The following PARVA variants were observed in gnomAD, a reference collection of about 807,000 sequenced individuals.
PARVA encodes parvin alpha.
In PARVA, 25 loss-of-function variants were observed where a neutral mutation model predicts 52.6. That is an observed-to-expected ratio of 0.48 (90% CI 0.35 to 0.66). The LOEUF is 0.66. PARVA is among the 30% of genes least tolerant of loss of function. PARVA has a pLI of 0.01. For synonymous variants in PARVA, 185 were observed against 179.1 expected, an observed-to-expected ratio of 1.03 and a Z score of -0.26; for missense variants, 373 against 450.9, an observed-to-expected ratio of 0.83 and a Z score of 1.56.
chr11:12,422,750 C>T (rs1244294656), intron 1 of PARVA, among the ~76,000 whole-genome samples: 6 of 152,148 alleles, frequency 3.9e-5, no homozygotes, highest in African/African-American at 1.4e-4. Flanking sequence ...ATATGTTTAT[C>T]TCACACTATA....
intron 5 of PARVA, among the ~76,000 whole-genome samples, chr11:12,497,283 C>A (rs1454876814): frequency 6.6e-6 from 1 of 152,076 alleles, no homozygotes; most frequent in Non-Finnish European, 1.5e-5. Flanking sequence ...GCAGTAGCAA[C>A]TGGATTCCAA....
chr11:12,378,810 A>G (rs1939444209), intron 1 of PARVA, among the ~76,000 whole-genome samples: 1 of 152,198 alleles, frequency 6.6e-6, no homozygotes, highest in African/African-American at 2.4e-5. Flanking sequence ...ATACATTCAT[A>G]TAATTTGTAA....
rs573879791 is a variant in PARVA, at chr11:12,487,639, T to A, written c.401-8819T>A. Among the ~76,000 whole-genome samples, 7 of 152,276 alleles carry A rather than the reference T, an allele frequency of 4.6e-5. No individual in the cohort carries two copies. The East Asian group carries it at 1.4e-3, about 29-fold the overall frequency. On this transcript the variant is annotated intron_variant, in intron 4 of 12. Coordinates refer to ENST00000334956, the MANE Select transcript of PARVA (RefSeq NM_018222.5). ...CTGCTTGAAGATCCTCCTCCTATAA[T>A]CTGATTTTAGGATTGTTGATATATG...
At chr11:12,409,102 T>C (rs79112694) in intron 1 of PARVA, among the ~76,000 whole-genome samples, 2,787 of 152,328 alleles carry the variant, frequency 0.018, 86 homozygotes, top group African/African-American at 0.063. Context: ...TGAATTTTCC[T>C]AAGGACATAT....
intron 1 of PARVA, among the ~76,000 whole-genome samples, chr11:12,382,252 G>C (rs1939501095): frequency 6.6e-6 from 1 of 152,158 alleles, no homozygotes; most frequent in African/African-American, 2.4e-5. Context: ...TTGTGTGTAT[G>C]TGTACATTTT....
chr11:12,481,750 G>C lies in PARVA; in HGVS notation c.400+3801G>C, dbSNP rs1308438649. Among the ~76,000 whole-genome samples, 5 of 152,112 alleles carry C rather than the reference G, an allele frequency of 3.3e-5. No homozygotes were observed. The East Asian group carries it at 9.6e-4, about 29-fold the overall frequency. ...AGCTTCCTTAATACTGAGTTGTTTG[G>C]GCAGCGAGCTGGAGGGGTCTGAGTT... On this transcript the variant is annotated intron_variant, in intron 4 of 12. Transcript: ENST00000334956.
intron 1 of PARVA, among the ~76,000 whole-genome samples, chr11:12,385,744 C>G (rs1390888239): frequency 1.3e-5 from 2 of 152,068 alleles, no homozygotes; most frequent in African/African-American, 4.8e-5. Context: ...TTTGAATTTC[C>G]CATTATTTTC....
At chr11:12,385,831 A>G (rs1347970668) in intron 1 of PARVA, among the ~76,000 whole-genome samples, 2 of 152,172 alleles carry the variant, frequency 1.3e-5, no homozygotes, top group Non-Finnish European at 2.9e-5. Flanking sequence ...AGAATGTAAA[A>G]ACCATTCTTA....
At position 12,534,563 on chromosome 11, in the gene PARVA, A is replaced by G. The variant is rs1941813166; in HGVS notation, c.*6638A>G. Among the ~76,000 whole-genome samples the G allele has an allele frequency of 6.6e-6, 1 of 152,204 alleles. No individual in the cohort carries two copies. Among genetic ancestry groups the G allele is most frequent in the South Asian group, 2.1e-4 (1 of 4,830 alleles). On this transcript the variant is annotated 3_prime_UTR_variant, in exon 13 of 13. Transcript: ENST00000334956. The stretch of plus-strand genomic sequence containing the variant: ...GCAGACTTTTCATTTCTTTTTATTG[A>G]TCTTCATGTTTTCACATCTTGAGAT...
intron 4 of PARVA, 97 bp downstream of exon 4, chr11:12,478,046 C>A (rs1421994321): frequency 1.3e-6 from 1 of 788,278 alleles, no homozygotes; most frequent in South Asian, 1.4e-5. Context: ...TTTACAGTGG[C>A]TTACCTGGAA....
intron 1 of PARVA, among the ~76,000 whole-genome samples, chr11:12,395,770 G>A (rs915430507): frequency 6.6e-6 from 1 of 152,196 alleles, no homozygotes; most frequent in African/African-American, 2.4e-5. Context: ...CCAACACTTG[G>A]CAGCCCAGCT....
At position 12,463,133 on chromosome 11, in the gene PARVA, A is replaced by G. The variant is rs144005205; in HGVS notation, c.137-10612A>G. Among the ~76,000 whole-genome samples the G allele has an allele frequency of 6.5e-4, 99 of 151,864 alleles. 1 individual carries two copies. The East Asian group carries it at 0.018, about 28-fold the overall frequency. ...CCCACGCCCACTTTTTTTTCTTATT[A>G]ACATCTTAAATTAGTATGGTACAAT... On this transcript the variant is annotated intron_variant, in intron 1 of 12. Coordinates refer to ENST00000334956, the MANE Select transcript of PARVA (RefSeq NM_018222.5).
At chr11:12,428,793 C>A (rs1316843160) in intron 1 of PARVA, among the ~76,000 whole-genome samples, 1 of 152,116 alleles carries the variant, frequency 6.6e-6, no homozygotes, top group African/African-American at 2.4e-5. Flanking sequence ...CTGAGACTGA[C>A]CTTTGTCTAA....
chr11:12,511,681 G>A, intron 8 of PARVA, 148 bp downstream of exon 8: 1 of 805,506 alleles, frequency 1.2e-6, no homozygotes, highest in South Asian at 1.5e-5. Flanking sequence ...GGGTTGGGAG[G>A]GACAGCTTAC....
intron 1 of PARVA, among the ~76,000 whole-genome samples, chr11:12,417,423 G>C (rs891420529): frequency 6.6e-6 from 1 of 152,110 alleles, no homozygotes; most frequent in Non-Finnish European, 1.5e-5. Flanking sequence ...TTATATATTT[G>C]TAAGGGTATA....
intron 4 of PARVA, among the ~76,000 whole-genome samples, chr11:12,483,824 C>T (rs1426591306): frequency 3.3e-5 from 5 of 152,216 alleles, no homozygotes; most frequent in Non-Finnish European, 7.3e-5. Flanking sequence ...TGGCCTGCCT[C>T]TTCATGACAT....
intron 1 of PARVA, among the ~76,000 whole-genome samples, chr11:12,447,854 C>A (rs983429588): frequency 1.3e-5 from 2 of 152,218 alleles, no homozygotes; most frequent in African/African-American, 4.8e-5. Context: ...GTCAGTAGGA[C>A]CCCTGTTGAG....
chr11:12,481,586 A>G (rs1941087585), intron 4 of PARVA, among the ~76,000 whole-genome samples: 1 of 152,164 alleles, frequency 6.6e-6, no homozygotes, highest in Non-Finnish European at 1.5e-5. Flanking sequence ...AGATGTGGGT[A>G]TATTAGTGGA....
chr11:12,487,710 A>G (rs907765978), intron 4 of PARVA, among the ~76,000 whole-genome samples: 4 of 152,356 alleles, frequency 2.6e-5, no homozygotes, highest in Admixed American at 2.6e-4. Context: ...CTCAAACTCA[A>G]AAGTTAGATG....
Sources: gnomAD v4.1 joint callset for allele counts (sites outside exome capture counted in the v4.1 genomes callset) on GRCh38, gnomAD v4.1.1 for gene constraint, MANE v1.5 for transcripts, NCBI Gene and HGNC (gene_info 2026-07-23, HGNC 2026-07-21) for gene names.